ABCA7: variants seen among roughly 807,000 people sequenced by gnomAD.
ABCA7 encodes the protein phospholipid-transporting ATPase ABCA7.
ABCA7 carries 261 observed loss-of-function variants against 227.6 expected under a neutral mutation model. The observed-to-expected ratio is 1.15, with a 90% confidence interval of 1.04 to 1.27. The LOEUF (loss-of-function observed/expected upper bound fraction) is 1.27, where lower values mean the gene tolerates loss of function less well. Ranked by LOEUF, ABCA7 falls within the 50% of genes most tolerant of loss-of-function variation. The probability of loss-of-function intolerance (pLI) is 0.00; values close to 1 mark genes in which losing one functional copy is unlikely to be tolerated. For synonymous variants in ABCA7, 1,488 were observed against 1,279.7 expected, an observed-to-expected ratio of 1.16 and a Z score of -3.47; for missense variants, 3,331 against 2,924.5, an observed-to-expected ratio of 1.14 and a Z score of -3.21.
Position 1,047,441 on chromosome 19 carries a change from G to A in ABCA7, c.2068-12G>A, listed in dbSNP as rs559499410. 12 of 1,539,160 alleles carry A rather than the reference G, an allele frequency of 7.8e-6. No homozygotes were observed. The highest frequency in any genetic ancestry group is 1.9e-4 in the Middle Eastern group (1 of 5,272). ...CGCTTCGGCCGCTCACTGACCGCCCGCTTTTCCGCAGAGCCTGCTGTCGCC... is the reference window on the plus strand; with the variant it reads ...CGCTTCGGCCGCTCACTGACCGCCCACTTTTCCGCAGAGCCTGCTGTCGCC... On this transcript the variant is annotated splice_polypyrimidine_tract_variant and intron_variant, in intron 15 of 46. Transcript: ENST00000263094.
intron 45 of ABCA7, 133 bp downstream of exon 45, chr19:1,064,386 G>T: frequency 9.4e-7 from 1 of 1,064,314 alleles, no homozygotes; most frequent in Non-Finnish European, 1.3e-6. Context: ...GCTTTAGATT[G>T]TCCTGCAGGG....
chr19:1,061,283 G>A (rs2042634730), intron 40 of ABCA7, among the ~76,000 whole-genome samples: 1 of 151,374 alleles, frequency 6.6e-6, no homozygotes, highest in South Asian at 2.1e-4. Flanking sequence ...TGTAGTCCCA[G>A]CTACTCCGGA....
chr19:1,064,955 C>A lies in ABCA7; in HGVS notation c.6069C>A (p.Thr2023=). ...KGRFAAGHTL[T]LRVPAARSQP... is the part of the protein sequence containing the mutation. ...GATTCGCGGCGGGTCACACACTGAC[C>A]CTGCGGGTGCCCGCCGCAAGGTCCC... Residue 2023 remains threonine, a synonymous_variant, in exon 46 of 47, where the codon ACC becomes ACA. Transcript: ENST00000263094. The A allele has an allele frequency of 6.5e-7, 1 of 1,542,496 alleles. No homozygotes were observed. Among genetic ancestry groups the A allele is most frequent in the South Asian group, 1.2e-5 (1 of 83,806 alleles).
intron 18 of ABCA7, 103 bp from the exon 19 acceptor site, chr19:1,050,818 T>TAATAATAATAAA (rs1052458426): frequency 4.1e-5 from 27 of 666,170 alleles, no homozygotes; most frequent in African/African-American, 1.2e-4. Flanking sequence ...ATAATAATAA[T>TAATAATAATAAA]AAATAATTAA....
In ABCA7 at chr19:1,044,828, G is replaced by A. The variant is rs541477795; in HGVS notation, c.1215+84G>A. 46 of 1,498,770 alleles carry A rather than the reference G, an allele frequency of 3.1e-5. No individual in the cohort carries two copies. The East Asian group carries it at 9.8e-4, about 32-fold the overall frequency. The allele number at this position is 1,498,770 out of a possible 1,614,324, so 92.8% of individuals were successfully genotyped here. A position where few individuals can be genotyped will look rare whatever the true frequency, so the allele number is the denominator to read the frequency against. ...TGTTCCCACCCTGGTGTTCCCAGGG[G>A]GAGGCGGGCCCGGCCCTAGTAAGAG... On this transcript the variant is annotated intron_variant, in intron 11 of 46. Coordinates refer to ENST00000263094, the MANE Select transcript of ABCA7 (RefSeq NM_019112.4).
rs762774052 is a variant in ABCA7 at position 1,046,289 on chromosome 19, G to C, written c.1505G>C (p.Gly502Ala). 23 of 1,605,994 alleles carry C rather than the reference G, an allele frequency of 1.4e-5. No homozygotes were observed. The highest frequency in any genetic ancestry group is 1.8e-5 in the Non-Finnish European group (21 of 1,179,702). The change falls in exon 13 of 47, where the codon GGC becomes GCC. Residue 502 changes from glycine (G) to alanine (A), a missense_variant. Transcript: ENST00000263094. ...PLTDLRYVWG[G>A]FVYLQDLVER... ...ACCGACCTGCGCTACGTGTGGGGCGGCTTCGTGTACCTGCAAGACCTGGTG... is the reference window on the plus strand; with the variant it reads ...ACCGACCTGCGCTACGTGTGGGGCGCCTTCGTGTACCTGCAAGACCTGGTG...
In ABCA7 at chr19:1,045,019, G is replaced by A. The variant is rs146070541; in HGVS notation, c.1233G>A (p.Lys411=). ...GRVTECLSLD[K]LEAAPSEAAL... Reference sequence around the variant, plus strand: ...TCCCACAGTGCCTGTCCTTGGACAAGCTGGAGGCGGCACCCTCAGAGGCAG... The same window carrying A: ...TCCCACAGTGCCTGTCCTTGGACAAACTGGAGGCGGCACCCTCAGAGGCAG... The change falls in exon 12 of 47, where the codon AAG becomes AAA. Residue 411 remains lysine, a synonymous_variant. Coordinates refer to ENST00000263094, the MANE Select transcript of ABCA7 (RefSeq NM_019112.4). 1.2e-6 allele frequency: 2 copies of A among 1,612,722 alleles called. No homozygotes were observed. Among genetic ancestry groups the A allele is most frequent in the Admixed American group, 1.7e-5 (1 of 59,996 alleles).
chr19:1,058,974 G>A (rs369164060), intron 39 of ABCA7, 34 bp downstream of exon 39: 31 of 1,612,686 alleles, frequency 1.9e-5, no homozygotes, highest in Non-Finnish European at 2.5e-5. Flanking sequence ...TGGGTGGGGG[G>A]TGCTCCCACT....
chr19:1,046,921 T>G lies in ABCA7; in HGVS notation c.1742T>G (p.Met581Arg), dbSNP rs1391408534. 3 of 1,556,634 alleles carry G rather than the reference T, an allele frequency of 1.9e-6. No individual in the cohort carries two copies. The highest frequency in any genetic ancestry group is 3.8e-5 in the Admixed American group (2 of 52,200). ...AAGGAGACGCGGCTGCGGGACACCA[T>G]GCGCGCCATGGGGCTCAGCCGCGCG... ...REKETRLRDT[M>R]RAMGLSRAVL... Residue 581 changes from methionine (M) to arginine (R), a missense_variant, in exon 14 of 47, where the codon ATG (methionine) becomes AGG (arginine). By Grantham distance (91) the Met-to-Arg change is moderately conservative. Transcript: ENST00000263094.
Position 1,044,699 on chromosome 19 carries a change from C to A in ABCA7, c.1170C>A (p.His390Gln). The change falls in exon 11 of 47, where the codon CAC (histidine) becomes CAA (glutamine). Residue 390 changes from histidine to glutamine, a missense_variant. Transcript: ENST00000263094. ...GSGGYSWQDA[H>Q]ADVGHLVGTL... ...GTGGCTACAGCTGGCAGGACGCACA[C>A]GCTGATGTGGGGCACCTGGTGGGCA... 6.2e-7 allele frequency: 1 copy of A among 1,612,466 alleles called. No homozygotes were observed.
At position 1,056,251 on chromosome 19, in the gene ABCA7, C is replaced by T. The variant is rs1412646909; in HGVS notation, c.4416+8C>T. 18 of 1,590,320 alleles carry T rather than the reference C, an allele frequency of 1.1e-5. No homozygotes were observed. The Admixed American group carries it at 1.2e-4, about 10-fold the overall frequency. On this transcript the variant is annotated splice_region_variant and intron_variant, in intron 32 of 46. Transcript: ENST00000263094. This position sits in a 1 kb window ranked among gnomAD's most constrained non-coding sequence, Gnocchi z 4.3. ...GCTCAGGACAGTCTCAAGGTGGGAA[C>T]TGGGGGGGCAGGTGGGCGTCCTGTC...
Position 1,045,193 on chromosome 19 carries a change from C to G in ABCA7, c.1407C>G (p.Asp469Glu). ...ACGTGCGCATCAAAATCCGCATGGA[C>G]ATTGACGTGGTCACGAGGACCAATA... is the stretch of plus-strand genomic sequence containing the variant. Reference protein sequence around the residue: ...PGHVRIKIRMDIDVVTRTNKI... With the variant: ...PGHVRIKIRMEIDVVTRTNKI... The change falls in exon 12 of 47, where the codon GAC becomes GAG. Residue 469 changes from aspartate (D) to glutamate (E), a missense_variant. Transcript: ENST00000263094. 1 of 1,599,940 alleles carries G rather than the reference C, an allele frequency of 6.3e-7. No individual in the cohort carries two copies. Among genetic ancestry groups the G allele is most frequent in the Non-Finnish European group, 8.5e-7 (1 of 1,170,658 alleles).
chr19:1,042,274 A>G, intron 5 of ABCA7, 41 bp from the exon 6 acceptor site: 1 of 1,578,064 alleles, frequency 6.3e-7, no homozygotes, highest in South Asian at 1.1e-5. Flanking sequence ...CCTCAGACCA[A>G]CGTCCCCCCA....
chr19:1,053,973 C>G (rs200117181), intron 25 of ABCA7, 33 bp from the exon 26 acceptor site: 38 of 1,611,428 alleles, frequency 2.4e-5, no homozygotes, highest in Non-Finnish European at 3.1e-5. Flanking sequence ...CCGTGACCCT[C>G]AACTTTGACC....
intron 44 of ABCA7, 74 bp downstream of exon 44, chr19:1,063,937 G>T: frequency 6.9e-7 from 1 of 1,455,398 alleles, no homozygotes; most frequent in Non-Finnish European, 9.1e-7. Context: ...AAAGCACAAG[G>T]CCACAGGGGA....
At chr19:1,062,969 G>A (rs1420844281) in intron 42 of ABCA7, among the ~76,000 whole-genome samples, 21 of 120,496 alleles carry the variant, frequency 1.7e-4, no homozygotes, top group Non-Finnish European at 3.3e-4. Flanking sequence ...TACTCATGCT[G>A]GCTCCACCCA....
Position 1,048,882 on chromosome 19 carries a change from C to T in ABCA7, c.2270-13C>T, listed in dbSNP as rs374869169. 6.4e-6 allele frequency: 10 copies of T among 1,554,422 alleles called. No individual in the cohort carries two copies. Among genetic ancestry groups the T allele is most frequent in the Non-Finnish European group, 8.8e-6 (10 of 1,138,114 alleles). ...GGGGTGGGCTAAGCAATAACCCGCG[C>T]CCCTCCCCGCAGGCCAGTACGGGAT... is the stretch of plus-strand genomic sequence containing the variant. On this transcript the variant is annotated splice_polypyrimidine_tract_variant and intron_variant, in intron 16 of 46. Coordinates refer to ENST00000263094, the MANE Select transcript of ABCA7 (RefSeq NM_019112.4).
Position 1,043,068 on chromosome 19 carries a change from C to A in ABCA7, c.607C>A (p.Leu203Ile), listed in dbSNP as rs2040222722. Residue 203 changes from leucine (L) to isoleucine (I), a missense_variant, in exon 8 of 47, where the codon CTT becomes ATT. Transcript: ENST00000263094. ...ELLALRSLVE[L>I]RALLQRPRGT... Reference sequence around the variant, plus strand: ...CCTGGCGCTGCGCAGCCTGGTGGAGCTTCGGGCACTGCTGCAGAGACCCCG... The same window carrying A: ...CCTGGCGCTGCGCAGCCTGGTGGAGATTCGGGCACTGCTGCAGAGACCCCG... 1 of 1,608,600 alleles carries A rather than the reference C, an allele frequency of 6.2e-7. No individual in the cohort carries two copies. The highest frequency in any genetic ancestry group is 1.7e-5 in the Admixed American group (1 of 59,780).
At position 1,065,035 on chromosome 19, in the gene ABCA7, C is replaced by T. The variant is rs752192059; in HGVS notation, c.6149C>T (p.Ala2050Val). 4 of 1,556,796 alleles carry T rather than the reference C, an allele frequency of 2.6e-6. No individual in the cohort carries two copies. Among genetic ancestry groups the T allele is most frequent in the Non-Finnish European group, 3.5e-6 (4 of 1,152,508 alleles). The change falls in exon 46 of 47, where the codon GCA (alanine) becomes GTA (valine). Residue 2050 changes from alanine to valine, a missense_variant. Coordinates refer to ENST00000263094, the MANE Select transcript of ABCA7 (RefSeq NM_019112.4). ...TTCCCTGGGGCGGAGCTGCGCGAGG[C>T]ACATGGAGGCCGCCTGCGCTTCCAG... ...AEFPGAELREAHGGRLRFQLP... is the reference protein window; with the variant it reads ...AEFPGAELREVHGGRLRFQLP...
Sources: gnomAD v4.1 joint callset for allele counts (sites outside exome capture counted in the v4.1 genomes callset) on GRCh38, gnomAD v4.1.1 for gene constraint, Gnocchi (gnomAD v3.1) non-coding constraint, MANE v1.5 for transcripts, NCBI Gene and HGNC (gene_info 2026-07-23, HGNC 2026-07-21) for gene names.